The following TTC28 variants were observed in gnomAD, a reference collection of about 807,000 sequenced individuals.
The protein encoded by TTC28 is tetratricopeptide repeat domain 28.
TTC28 carries 61 observed loss-of-function variants against 198.0 expected under a neutral mutation model. The ratio of observed to expected loss-of-function variants is 0.31; its 90% CI spans 0.25 to 0.38. The LOEUF is 0.38. Among genes scored for constraint, TTC28 ranks in the 10% least tolerant of loss-of-function variants. The probability of loss-of-function intolerance (pLI) is 1.00; values close to 1 mark genes in which losing one functional copy is unlikely to be tolerated. For synonymous variants in TTC28, 1,171 were observed against 1,297.8 expected (o/e 0.90, Z 2.10); for missense variants, 2,678 against 3,164.0 (o/e 0.85, Z 3.69).
intron 2 of TTC28, among the ~76,000 whole-genome samples, chr22:28,588,916 TC>T (rs1396186810): frequency 6.6e-6 from 1 of 152,194 alleles, no homozygotes; most frequent in Admixed American, 6.5e-5. Context: ...CTAACACTGT[TC>T]TTGCCGTTAA....
intron 5 of TTC28, among the ~76,000 whole-genome samples, chr22:28,284,086 G>T (rs1050441242): frequency 6.6e-6 from 1 of 152,098 alleles, no homozygotes; most frequent in African/African-American, 2.4e-5. Flanking sequence ...TATCATGACT[G>T]GCCTGGAATA....
At chr22:28,563,078 G>C (rs1412053494) in intron 2 of TTC28, among the ~76,000 whole-genome samples, 1 of 152,066 alleles carries the variant, frequency 6.6e-6, no homozygotes, top group Non-Finnish European at 1.5e-5. Context: ...ACCTGAGATG[G>C]AGCCACTACA....
At chr22:28,359,528 T>TA (rs1157307508) in intron 2 of TTC28, among the ~76,000 whole-genome samples, 1 of 152,228 alleles carries the variant, frequency 6.6e-6, no homozygotes, top group Non-Finnish European at 1.5e-5. Context: ...AATGCCTCTG[T>TA]ATATGCTTCA....
chr22:28,085,773 C>T (rs1336671723), intron 12 of TTC28, among the ~76,000 whole-genome samples: 7 of 152,032 alleles, frequency 4.6e-5, no homozygotes, highest in Non-Finnish European at 1.0e-4. Context: ...ACCCACCTCA[C>T]GTGCAGAGAC....
intron 2 of TTC28, among the ~76,000 whole-genome samples, chr22:28,584,177 G>C (rs1201219078): frequency 6.6e-6 from 1 of 151,992 alleles, no homozygotes; most frequent in Non-Finnish European, 1.5e-5. Flanking sequence ...ATAGCCTGAT[G>C]CAAGAAACAA....
At chr22:28,249,929 C>G (rs1288381776) in intron 5 of TTC28, among the ~76,000 whole-genome samples, 1 of 152,172 alleles carries the variant, frequency 6.6e-6, no homozygotes, top group Non-Finnish European at 1.5e-5. Flanking sequence ...AGAGCAGCTT[C>G]TTTGAGGATT....
At chr22:28,327,535 T>C (rs2045551627) in intron 2 of TTC28, among the ~76,000 whole-genome samples, 1 of 152,216 alleles carries the variant, frequency 6.6e-6, no homozygotes, top group African/African-American at 2.4e-5. Flanking sequence ...AGGTTATGTA[T>C]TGATCAGTTG....
At chr22:28,048,219 T>C (rs1347943316) in intron 12 of TTC28, among the ~76,000 whole-genome samples, 3 of 152,192 alleles carry the variant, frequency 2.0e-5, no homozygotes, top group East Asian at 1.9e-4. Context: ...CCACATATCC[T>C]GGAGGCCCTG....
chr22:28,304,118 T>G (rs991660371), intron 3 of TTC28, among the ~76,000 whole-genome samples: 1 of 152,090 alleles, frequency 6.6e-6, no homozygotes, highest in Non-Finnish European at 1.5e-5. Flanking sequence ...ACCCCGTCTC[T>G]ACTAAAAATA....
rs1215080329 is a variant in TTC28, at chr22:28,384,218, C to T, written c.382-77575G>A. On this transcript the variant is annotated intron_variant, in intron 2 of 22. Coordinates refer to ENST00000397906, the MANE Select transcript of TTC28 (RefSeq NM_001145418.2). ...ATTGCACCCCATCCTCTTCATCACT[C>T]TTTTTTTTTAAACATTTGTTTTTTT... 2.0e-5 allele frequency among the ~76,000 whole-genome samples: 3 copies of T among 151,580 alleles called. No individual in the cohort carries two copies. In the East Asian group the frequency reaches 5.8e-4, roughly 29 times the overall value.
At chr22:28,048,259 C>T (rs921721556) in intron 12 of TTC28, among the ~76,000 whole-genome samples, 3 of 152,106 alleles carry the variant, frequency 2.0e-5, no homozygotes, top group Admixed American at 6.6e-5. Flanking sequence ...AGAGATCCCA[C>T]CAAGTGTCAG....
intron 2 of TTC28, among the ~76,000 whole-genome samples, chr22:28,501,688 A>G (rs2048540147): frequency 6.6e-6 from 1 of 152,218 alleles, no homozygotes; most frequent in African/African-American, 2.4e-5. Flanking sequence ...TTACATATCA[A>G]TGCAATTTTT....
intron 2 of TTC28, among the ~76,000 whole-genome samples, chr22:28,604,613 G>A (rs2050700574): frequency 6.6e-6 from 1 of 151,006 alleles, no homozygotes; most frequent in African/African-American, 2.4e-5. Flanking sequence ...GCATGGTGGT[G>A]GGAGCCTGTA....
chr22:28,656,430 A>G (rs951932324), intron 1 of TTC28, among the ~76,000 whole-genome samples: 4 of 152,196 alleles, frequency 2.6e-5, no homozygotes, highest in Non-Finnish European at 4.4e-5. Flanking sequence ...CCTCTTCTAG[A>G]TCTTTACCAC....
chr22:28,651,278 C>T (rs910076602), intron 1 of TTC28, among the ~76,000 whole-genome samples: 10 of 151,594 alleles, frequency 6.6e-5, no homozygotes, highest in Non-Finnish European at 1.5e-4. Flanking sequence ...GGATTACAGG[C>T]GTGAGCCACT....
chr22:28,297,526 T>C, intron 4 of TTC28, 54 bp downstream of exon 4: 2 of 1,520,034 alleles, frequency 1.3e-6, no homozygotes, highest in Non-Finnish European at 1.8e-6. Flanking sequence ...CATGTCATGT[T>C]ACTCAGCTTT....
intron 6 of TTC28, among the ~76,000 whole-genome samples, chr22:28,114,331 T>C (rs1942571985): frequency 6.6e-6 from 1 of 152,176 alleles, no homozygotes; most frequent in Admixed American, 6.5e-5. Context: ...CCTCTCCTTC[T>C]CAAGTTTTCA....
intron 5 of TTC28, among the ~76,000 whole-genome samples, chr22:28,222,702 T>C (rs1363433988): frequency 6.6e-6 from 1 of 152,190 alleles, no homozygotes; most frequent in Non-Finnish European, 1.5e-5. Flanking sequence ...TGCACAACAG[T>C]ATCAGTCAAT....
intron 12 of TTC28, among the ~76,000 whole-genome samples, chr22:28,038,752 A>T (rs1939474160): frequency 2.0e-5 from 3 of 152,196 alleles, no homozygotes; most frequent in Non-Finnish European, 4.4e-5. Flanking sequence ...ATGGGAGAAA[A>T]TTTTTGCAAT....
Sources: allele counts gnomAD v4.1 joint callset (sites outside exome capture counted in the v4.1 genomes callset), GRCh38; gene constraint gnomAD v4.1.1; transcripts MANE v1.5; gene names NCBI Gene and HGNC (gene_info 2026-07-23, HGNC 2026-07-21).